Variants in ZNF791 observed in about 807,000 individuals in gnomAD.
ZNF791 encodes the protein zinc finger protein 791.
In ZNF791, 4 loss-of-function variants were observed where a neutral mutation model predicts 11.5. The ratio of observed to expected loss-of-function variants is 0.35; its 90% CI spans 0.17 to 0.80. ZNF791 has a LOEUF of 0.80. Ranked by LOEUF, ZNF791 falls within the 30% of genes least tolerant of loss-of-function variation. ZNF791 has a pLI of 0.53. For synonymous variants in ZNF791, 212 were observed against 228.1 expected, an observed-to-expected ratio of 0.93 and a Z score of 0.64; for missense variants, 559 against 699.4, an observed-to-expected ratio of 0.80 and a Z score of 2.26.
intron 2 of ZNF791, among the ~76,000 whole-genome samples, chr19:12,624,186 C>T (rs1389122638): frequency 3.1e-5 from 4 of 128,472 alleles, no homozygotes; most frequent in Non-Finnish European, 6.3e-5. Flanking sequence ...TGAGTCTCGT[C>T]CTGTTCCCCA....
rs2023495018 is a variant in ZNF791 at position 12,630,888 on chromosome 19, G to A, written c.*1628G>A. 6.6e-6 allele frequency: 1 copy of A among 151,168 alleles called. No individual in the cohort carries two copies. 9.4% of individuals were successfully genotyped at this position (151,168 alleles called of 1,614,324 possible). ...ATTATTACAAAGTTTTTAAAAATAA[G>A]TTTATAAAGAAAATAATGTACAGTA... On this transcript the variant is annotated 3_prime_UTR_variant, in exon 4 of 4. Transcript: ENST00000343325.
In ZNF791 at chr19:12,628,976, A is replaced by G. The variant is rs1161657603; in HGVS notation, c.1447A>G (p.Ile483Val). ...AAAAGCCTTTAGTTGTTCTAGTTAC[A>G]TTCGGATACATAAAAGAACTCACAC... ...CGKAFSCSSY[I>V]RIHKRTHTGE... Residue 483 changes from isoleucine to valine, a missense_variant, in exon 4 of 4, where the codon ATT becomes GTT. Physicochemically the swap from Ile to Val is conservative, Grantham distance 29. Transcript: ENST00000343325. 4 of 1,613,996 alleles carry G rather than the reference A, an allele frequency of 2.5e-6. No individual in the cohort carries two copies. The highest frequency in any genetic ancestry group is 1.7e-5 in the Admixed American group (1 of 60,002).
intron 2 of ZNF791, 143 bp from the exon 3 acceptor site, chr19:12,624,507 A>T: frequency 1.6e-6 from 1 of 606,882 alleles, no homozygotes; most frequent in Non-Finnish European, 2.7e-6. Flanking sequence ...GCTCATAATC[A>T]CTGTTCCGAG....
intron 1 of ZNF791, 34 bp from the exon 2 acceptor site, chr19:12,623,666 C>T (rs1450465879): frequency 1.2e-6 from 2 of 1,612,158 alleles, no homozygotes; most frequent in South Asian, 2.2e-5. Flanking sequence ...CCTTGTCAAT[C>T]TCACCTATTC....
intron 1 of ZNF791, among the ~76,000 whole-genome samples, chr19:12,616,565 C>T (rs189207978): frequency 2.2e-3 from 331 of 152,260 alleles, no homozygotes; most frequent in Non-Finnish European, 3.6e-3. Flanking sequence ...GGGTGGCACA[C>T]CCCTGTAGTC....
At chr19:12,613,523 G>A (rs2023194296) in intron 1 of ZNF791, among the ~76,000 whole-genome samples, 1 of 152,152 alleles carries the variant, frequency 6.6e-6, no homozygotes, top group Non-Finnish European at 1.5e-5. Flanking sequence ...GGAGCTTGCA[G>A]TGAGCCGAGA....
At position 12,627,710 on chromosome 19, in the gene ZNF791, A is replaced by AT. The variant is rs759111773; in HGVS notation, c.192-5dup. The AT allele has an allele frequency of 3.8e-6, 6 of 1,594,602 alleles. No individual in the cohort carries two copies. The highest frequency in any genetic ancestry group is 1.7e-5 in the Admixed American group (1 of 57,316). On this transcript the variant is annotated splice_polypyrimidine_tract_variant and intron_variant, in intron 3 of 3. Coordinates refer to ENST00000343325, the MANE Select transcript of ZNF791 (RefSeq NM_153358.3). ...CACAACCAGTATTACCGTGCTTCTAATTTTTTACAGAAGCCATACGGGAGA... is the reference window on the plus strand; with the variant it reads ...CACAACCAGTATTACCGTGCTTCTAATTTTTTTACAGAAGCCATACGGGAGA...
At chr19:12,623,061 C>G (rs2023378301) in intron 1 of ZNF791, among the ~76,000 whole-genome samples, 1 of 152,030 alleles carries the variant, frequency 6.6e-6, no homozygotes, top group Non-Finnish European at 1.5e-5. Flanking sequence ...GGTGACAGAG[C>G]AAGACCCTGT....
chr19:12,620,754 CTTT>C (rs1051381342), intron 1 of ZNF791, among the ~76,000 whole-genome samples: 23 of 83,450 alleles, frequency 2.8e-4, no homozygotes, highest in East Asian at 1.4e-3. Flanking sequence ...GATTTATGTT[CTTT>C]TTTTTTTTTT....
rs186835351 is a variant in ZNF791, at chr19:12,624,669, G to A, written c.150G>A (p.Pro50=). 1.1e-5 allele frequency: 18 copies of A among 1,605,970 alleles called. No individual in the cohort carries two copies. Among genetic ancestry groups the A allele is most frequent in the Admixed American group, 1.7e-5 (1 of 59,548 alleles). Residue 50 remains proline, a synonymous_variant, in exon 3 of 4, where the codon CCG becomes CCA. Coordinates refer to ENST00000343325, the MANE Select transcript of ZNF791 (RefSeq NM_153358.3). ...TTTTAGGGGAAAAATGGGAAGACCC[G>A]AATGTTGAAGATCAACACAAAAACC... The part of the protein sequence containing the change: ...LASIGEKWED[P]NVEDQHKNQG...
Position 12,628,446 on chromosome 19 carries a change from G to C in ZNF791, c.917G>C (p.Gly306Ala). 1.2e-6 allele frequency: 2 copies of C among 1,611,984 alleles called. No homozygotes were observed. The highest frequency in any genetic ancestry group is 2.2e-5 in the South Asian group (2 of 90,778). ...GEKPYKCKQCGKAFRCSTSIQ... is the reference protein window; with the variant it reads ...GEKPYKCKQCAKAFRCSTSIQ... ...AAACCCTATAAATGTAAACAATGTGGTAAAGCCTTCAGATGTTCCACCTCC... is the reference window on the plus strand; with the variant it reads ...AAACCCTATAAATGTAAACAATGTGCTAAAGCCTTCAGATGTTCCACCTCC... The change falls in exon 4 of 4, where the codon GGT becomes GCT. Residue 306 changes from glycine to alanine, a missense_variant. Gly to Ala is a moderately conservative substitution (Grantham distance 60). Transcript: ENST00000343325.
At position 12,631,983 on chromosome 19, in the gene ZNF791, C is replaced by T. The variant is rs907792980; in HGVS notation, c.*2723C>T. The T allele has an allele frequency of 4.0e-5, 6 of 148,714 alleles. No homozygotes were observed. The highest frequency in any genetic ancestry group is 1.0e-4 in the African/African-American group (4 of 40,120). The allele number at this position is 148,714 out of a possible 1,614,324, so 9.2% of individuals were successfully genotyped here. On this transcript the variant is annotated 3_prime_UTR_variant, in exon 4 of 4. Transcript: ENST00000343325. ...GAAGTGTATTTTTTTTTTTTCGAGA[C>T]GGAGTCTTGCTCTGTTGCCCAGGCT...
In ZNF791 at chr19:12,628,095, A is replaced by G; in HGVS notation, c.566A>G (p.Glu189Gly). The stretch of plus-strand genomic sequence containing the variant: ...ACTCACATTGGAGAAAAACCCTATG[A>G]ATGTAAGCAATGTGGAAAAGCTCTT... ...ERTHIGEKPY[E>G]CKQCGKALSC... The change falls in exon 4 of 4, where the codon GAA (glutamate) becomes GGA (glycine). Residue 189 changes from glutamate (E) to glycine (G), a missense_variant. Coordinates refer to ENST00000343325, the MANE Select transcript of ZNF791 (RefSeq NM_153358.3). The G allele has an allele frequency of 6.2e-7, 1 of 1,614,130 alleles. No homozygotes were observed. Among genetic ancestry groups the G allele is most frequent in the East Asian group, 2.2e-5 (1 of 44,880 alleles).
At chr19:12,615,624 C>G (rs976257061) in intron 1 of ZNF791, among the ~76,000 whole-genome samples, 3 of 151,862 alleles carry the variant, frequency 2.0e-5, no homozygotes, top group African/African-American at 7.3e-5. Context: ...ACTAAAAATA[C>G]AAAAATTAGC....
In ZNF791 at chr19:12,628,792, C is replaced by T. The variant is rs1299914255; in HGVS notation, c.1263C>T (p.Phe421=). ...AGTGTAAGGAATGTGCAAAAACCTT[C>T]ATTTCTCTTGAGAACTTTCGAAGAC... The part of the protein sequence containing the change: ...PYECKECAKT[F]ISLENFRRHM... The change falls in exon 4 of 4, where the codon TTC becomes TTT. Residue 421 remains phenylalanine (F), a synonymous_variant. Coordinates refer to ENST00000343325, the MANE Select transcript of ZNF791 (RefSeq NM_153358.3). 1.2e-6 allele frequency: 2 copies of T among 1,613,916 alleles called. No individual in the cohort carries two copies. Among genetic ancestry groups the T allele is most frequent in the Non-Finnish European group, 8.5e-7 (1 of 1,180,002 alleles).
At position 12,620,740 on chromosome 19, in the gene ZNF791, AGGGGATTTAT is replaced by A. The variant is rs2023326764; in HGVS notation, c.4-2958_4-2949del. On this transcript the variant is annotated intron_variant, in intron 1 of 3. Coordinates refer to ENST00000343325, the MANE Select transcript of ZNF791 (RefSeq NM_153358.3). ...ATCACTTCCTCCTGAAACTGGAGAA[AGGGGATTTAT>A]GTTCTTTTTTTTTTTTTTTTTTTTT... Among the ~76,000 whole-genome samples the A allele has an allele frequency of 2.9e-5, 4 of 135,616 alleles. No individual in the cohort carries two copies. In the South Asian group the frequency reaches 9.2e-4, roughly 31 times the overall value. 89.0% of individuals were successfully genotyped at this position (135,616 alleles called of 152,430 possible). A position where few individuals can be genotyped will look rare whatever the true frequency, so the allele number is the denominator to read the frequency against.
rs768930256 is a variant in ZNF791 at position 12,628,639 on chromosome 19, C to G, written c.1110C>G (p.Tyr370Ter). Residue 370 changes from tyrosine (Y) to a stop codon, truncating the protein, a stop_gained, in exon 4 of 4, where the codon TAC (tyrosine) becomes TAG (stop). Coordinates refer to ENST00000343325, the MANE Select transcript of ZNF791 (RefSeq NM_153358.3). LOFTEE classifies it low-confidence loss of function (END_TRUNC). ...ECGKAFSRIS[Y>*]FRIHERTHTG... ...GGAAAGCCTTTAGTAGAATCAGTTA[C>G]TTTCGAATACATGAAAGGACTCACA... 1 of 1,604,544 alleles carries G rather than the reference C, an allele frequency of 6.2e-7. No individual in the cohort carries two copies. The highest frequency in any genetic ancestry group is 1.7e-5 in the Admixed American group (1 of 58,014).
chr19:12,612,190 C>A, intron 1 of ZNF791: 1 of 826,748 alleles, frequency 1.2e-6, no homozygotes, highest in Non-Finnish European at 1.5e-6. Flanking sequence ...AAATAATTAA[C>A]TGACATTATT....
intron 1 of ZNF791, among the ~76,000 whole-genome samples, chr19:12,613,505 T>C (rs574463631): frequency 4.4e-4 from 67 of 152,002 alleles, no homozygotes; most frequent in African/African-American, 1.5e-3. Flanking sequence ...GGCGTGGACC[T>C]GGGAGGCGGA....
Sources: gnomAD v4.1 joint callset for allele counts (sites outside exome capture counted in the v4.1 genomes callset) on GRCh38, gnomAD v4.1.1 for gene constraint, MANE v1.5 for transcripts, NCBI Gene and HGNC (gene_info 2026-07-23, HGNC 2026-07-21) for gene names.